SSPN: variants seen among roughly 807,000 people sequenced by gnomAD.
The protein encoded by SSPN is K-ras oncogene-associated protein.
In SSPN, 15 loss-of-function variants were observed where a neutral mutation model predicts 19.1. That is an observed-to-expected ratio of 0.78 (90% confidence interval 0.52 to 1.21). SSPN has a LOEUF of 1.21. Among genes scored for constraint, SSPN ranks in the 50% most tolerant of loss-of-function variants. SSPN has a pLI of 0.00. For missense variants in SSPN, 291 were observed against 314.0 expected, an observed-to-expected ratio of 0.93 and a Z score of 0.55; for synonymous variants, 147 against 140.3, an observed-to-expected ratio of 1.05 and a Z score of -0.34.
chr12:26,123,540 G>C (rs1217609945), intron 1 of SSPN: 1 of 909,568 alleles, frequency 1.1e-6, no homozygotes, highest in South Asian at 1.3e-5. Flanking sequence ...CACGGAAAGA[G>C]ATGGGGTGCG....
chr12:26,207,763 A>C (rs1178686257), intron 1 of SSPN, among the ~76,000 whole-genome samples: 2 of 152,210 alleles, frequency 1.3e-5, no homozygotes, highest in Admixed American at 6.5e-5. Flanking sequence ...TGGGAGGCCA[A>C]GGCGGGAGGA....
intron 1 of SSPN, chr12:26,123,980 A>G (rs887263202): frequency 1.0e-6 from 1 of 971,606 alleles, no homozygotes; most frequent in African/African-American, 1.6e-5. Flanking sequence ...TCAGGAACTT[A>G]TATTTACATT....
At chr12:26,214,625 AGT>A (rs2137488100) in intron 1 of SSPN, 1 of 152,290 alleles carries the variant, frequency 6.6e-6, no homozygotes, top group African/African-American at 2.4e-5. Context: ...TTATGTGTAT[AGT>A]TCTATACTTG....
chr12:26,165,606 G>T (rs74340229), intron 1 of SSPN, among the ~76,000 whole-genome samples: 5,909 of 152,338 alleles, frequency 0.039, 155 homozygotes, highest in South Asian at 0.078. Flanking sequence ...ATTAATTTAT[G>T]ATTGTGACAG....
At chr12:26,147,263 TGG>T (rs202155366) in intron 1 of SSPN, among the ~76,000 whole-genome samples, 1 of 95,890 alleles carries the variant, frequency 1.0e-5, no homozygotes, top group African/African-American at 3.6e-5. Flanking sequence ...CGATAATTTT[TGG>T]GGTTTTTTTT....
intron 1 of SSPN, among the ~76,000 whole-genome samples, chr12:26,138,047 A>T (rs1944438998): frequency 6.6e-6 from 1 of 152,056 alleles, no homozygotes; most frequent in African/African-American, 2.4e-5. Context: ...ATGATACTAA[A>T]ATCTGTGGAT....
In SSPN at chr12:26,224,759, C is replaced by G. The variant is rs1292472160; in HGVS notation, c.366+380C>G. On this transcript the variant is annotated intron_variant, in intron 2 of 2. Coordinates refer to ENST00000242729, the MANE Select transcript of SSPN (RefSeq NM_005086.5). The stretch of plus-strand genomic sequence containing the variant: ...TAATGAAGCAGTCTAAGTGTATTTC[C>G]TCTTGTAGGTGGGATCACTGAGACA... 3.3e-5 allele frequency among the ~76,000 whole-genome samples: 5 copies of G among 151,164 alleles called. No individual in the cohort carries two copies. The East Asian group carries it at 9.8e-4, about 30-fold the overall frequency.
At chr12:26,122,239 C>A in intron 1 of SSPN, 1 of 1,281,248 alleles carries the variant, frequency 7.8e-7, no homozygotes, top group Non-Finnish European at 9.8e-7. Flanking sequence ...GCGGCGCCCG[C>A]CTTCTCGGGA....
At chr12:26,194,228 T>C (rs1039386386), upstream of SSPN, among the ~76,000 whole-genome samples, 1 of 152,220 alleles carries the variant, frequency 6.6e-6, no homozygotes, top group Admixed American at 6.5e-5. Flanking sequence ...TAATCAGTTT[T>C]ATTGATTTCT....
intron 1 of SSPN, among the ~76,000 whole-genome samples, chr12:26,158,737 C>T (rs1261091382): frequency 6.6e-6 from 1 of 152,246 alleles, no homozygotes; most frequent in African/African-American, 2.4e-5. Flanking sequence ...CCCCTTTTAG[C>T]TTTGTGTCTA....
chr12:26,202,652 T>C (rs145912723), intron 1 of SSPN, among the ~76,000 whole-genome samples: 13 of 152,322 alleles, frequency 8.5e-5, no homozygotes, highest in African/African-American at 3.1e-4. Context: ...TTCAGTGTGG[T>C]CTGAGAAAAT....
chr12:26,126,541 C>T (rs996263892), intron 1 of SSPN: 3 of 152,268 alleles, frequency 2.0e-5, no homozygotes, highest in Admixed American at 1.3e-4. Flanking sequence ...CCCCGCCGGG[C>T]ACGGGTTCCG....
intron 1 of SSPN, among the ~76,000 whole-genome samples, chr12:26,175,562 A>G (rs543379091): frequency 6.6e-6 from 1 of 152,304 alleles, no homozygotes; most frequent in African/African-American, 2.4e-5. Flanking sequence ...TGTTTTAAAC[A>G]ATGATAATAG....
chr12:26,124,295 C>T, intron 1 of SSPN: 1 of 592,400 alleles, frequency 1.7e-6, no homozygotes. Flanking sequence ...ATGTGATAAA[C>T]TACACCCAAG....
intron 1 of SSPN, among the ~76,000 whole-genome samples, chr12:26,183,216 A>G (rs1350030070): frequency 1.3e-5 from 2 of 152,238 alleles, no homozygotes; most frequent in Non-Finnish European, 2.9e-5. Context: ...AACCGCATTT[A>G]TGATAACCCC....
In SSPN at chr12:26,122,134, G is replaced by C. The variant is rs770406186; in HGVS notation, c.-49G>C. ...GAGCTCTCCGGGTTCCCCGGCTCGC[G>C]GGGCCCGGCGAAGGGCAGGTGGGTG... On this transcript the variant is annotated 5_prime_UTR_variant, in exon 1 of 3. Coordinates refer to the SSPN transcript ENST00000538142. The C allele has an allele frequency of 1.7e-5, 27 of 1,548,574 alleles. No homozygotes were observed. The South Asian group carries it at 1.9e-4, about 11-fold the overall frequency.
intron 1 of SSPN, among the ~76,000 whole-genome samples, chr12:26,171,772 T>G (rs548083089): frequency 1.3e-5 from 2 of 152,344 alleles, no homozygotes; most frequent in African/African-American, 4.8e-5. Flanking sequence ...ATAATTCACA[T>G]AAACAAAATA....
intron 1 of SSPN, among the ~76,000 whole-genome samples, chr12:26,159,074 C>T (rs550344718): frequency 6.6e-6 from 1 of 152,204 alleles, no homozygotes; most frequent in African/African-American, 2.4e-5. Context: ...AGGAAAGGGA[C>T]CTCTGCCCAT....
intron 1 of SSPN, chr12:26,125,058 C>G: frequency 1.9e-6 from 1 of 536,282 alleles, no homozygotes; most frequent in Non-Finnish European, 3.4e-6. Flanking sequence ...ACGCGCGTCG[C>G]CGGCCAGACC....
Sources: allele counts gnomAD v4.1 joint callset (sites outside exome capture counted in the v4.1 genomes callset), GRCh38; gene constraint gnomAD v4.1.1; transcripts MANE v1.5; gene names NCBI Gene and HGNC (gene_info 2026-07-23, HGNC 2026-07-21).